Variants in AK6 observed in about 807,000 individuals in gnomAD.
The protein encoded by AK6 is adenylate kinase 6.
In AK6, 24 loss-of-function variants were observed where a neutral mutation model predicts 23.7. The ratio of observed to expected loss-of-function variants is 1.01; its 90% CI spans 0.73 to 1.43. AK6 has a LOEUF of 1.43. Among genes scored for constraint, AK6 ranks in the 40% most tolerant of loss-of-function variants. AK6 has a pLI of 0.00. For synonymous variants in AK6, 73 were observed against 69.8 expected, an observed-to-expected ratio of 1.05 and a Z score of -0.23; for missense variants, 191 against 199.1, an observed-to-expected ratio of 0.96 and a Z score of 0.24.
chr5:69,365,561 G>C, intron 2 of AK6: 1 of 1,613,964 alleles, frequency 6.2e-7, no homozygotes, highest in Non-Finnish European at 8.5e-7. Flanking sequence ...TCTTAGCATG[G>C]CTTGAATAAA....
intron 4 of AK6, among the ~76,000 whole-genome samples, chr5:69,352,699 G>T (rs188774653): frequency 3.3e-5 from 5 of 152,208 alleles, no homozygotes; most frequent in Non-Finnish European, 5.9e-5. Flanking sequence ...ATTACAATGA[G>T]ATATTACTTC....
At position 69,352,032 on chromosome 5, in the gene AK6, A is replaced by C. The variant is rs747847483; in HGVS notation, c.*29T>G. The C allele has an allele frequency of 8.3e-6, 13 of 1,560,538 alleles. No homozygotes were observed. The highest frequency in any genetic ancestry group is 7.8e-6 in the Non-Finnish European group (9 of 1,151,158). On this transcript the variant is annotated 3_prime_UTR_variant, in exon 5 of 5. Transcript: ENST00000380822. ...TGATGTCGGCAGAGATATCAACAAG[A>C]GTGATTATTAAGTAGCTAGCCTTAT...
intron 4 of AK6, among the ~76,000 whole-genome samples, chr5:69,354,344 C>T (rs1045631403): frequency 6.6e-6 from 1 of 151,976 alleles, no homozygotes; most frequent in East Asian, 1.9e-4. Context: ...TAGGTTTAGC[C>T]CCAATTTAAC....
intron 2 of AK6, chr5:69,365,155 G>A (rs1762364529): frequency 1.2e-6 from 2 of 1,614,114 alleles, no homozygotes; most frequent in Non-Finnish European, 1.7e-6. Flanking sequence ...GCTGGAGACT[G>A]AGAAGTAGGC....
intron 2 of AK6, among the ~76,000 whole-genome samples, chr5:69,364,079 T>C (rs923894373): frequency 3.3e-5 from 5 of 151,978 alleles, no homozygotes; most frequent in African/African-American, 4.8e-5. Context: ...CAAAATGAAA[T>C]TCTGTCTCAG....
Position 69,362,785 on chromosome 5 carries a change from C to T in AK6, c.121+3718G>A, listed in dbSNP as rs539841811. Among the ~76,000 whole-genome samples, 5 of 152,188 alleles carry T rather than the reference C, an allele frequency of 3.3e-5. No homozygotes were observed. The South Asian group carries it at 1.0e-3, about 32-fold the overall frequency. On this transcript the variant is annotated intron_variant, in intron 2 of 4. Transcript: ENST00000380822. ...AAAAAACCCCACAAAGTACCTCCAT[C>T]AAACTCCATGTCAAGTCAGACCAGA...
intron 2 of AK6, 146 bp downstream of exon 2, chr5:69,366,357 T>G: frequency 3.1e-6 from 2 of 637,476 alleles, no homozygotes; most frequent in Non-Finnish European, 5.4e-6. Flanking sequence ...AGACACTTAA[T>G]ATTTCTGTGG....
At chr5:69,369,333 A>T in intron 1 of AK6, 130 bp downstream of exon 1, 2 of 930,316 alleles carry the variant, frequency 2.1e-6, no homozygotes, top group Non-Finnish European at 2.9e-6. Context: ...GGGCGCTGAC[A>T]ACCGCCTCGT....
intron 4 of AK6, 70 bp from the exon 5 acceptor site, chr5:69,352,323 C>G: frequency 8.0e-7 from 1 of 1,249,948 alleles, no homozygotes; most frequent in Non-Finnish European, 1.1e-6. Context: ...CAGAAACATA[C>G]CAGAAACTGG....
At chr5:69,369,629 G>C, upstream of AK6, 2 of 1,568,568 alleles carry the variant, frequency 1.3e-6, no homozygotes, top group Non-Finnish European at 1.7e-6. Context: ...AGCCTGCCCC[G>C]GCGGCCCAGC....
At chr5:69,361,263 A>G (rs1762227085) in intron 2 of AK6, among the ~76,000 whole-genome samples, 1 of 151,868 alleles carries the variant, frequency 6.6e-6, no homozygotes, top group Admixed American at 6.6e-5. Flanking sequence ...CTGGGACCAC[A>G]GGCATCTGCC....
At chr5:69,365,440 T>A in intron 2 of AK6, 1 of 1,614,252 alleles carries the variant, frequency 6.2e-7, no homozygotes, top group Non-Finnish European at 8.5e-7. Flanking sequence ...GGGGTTTGAT[T>A]TCTTTGCCTT....
At chr5:69,365,541 A>T (rs1364489036) in intron 2 of AK6, 11 of 1,613,904 alleles carry the variant, frequency 6.8e-6, no homozygotes, top group Non-Finnish European at 7.6e-6. Context: ...ATCTGCATCA[A>T]CAGTAGCTTT....
At chr5:69,369,437 A>C (rs1463630135) in intron 1 of AK6, 26 bp downstream of exon 1, 1 of 1,608,288 alleles carries the variant, frequency 6.2e-7, no homozygotes, top group African/African-American at 1.3e-5. Flanking sequence ...GCCCCAGCCC[A>C]GTCCCTCCCG....
intron 2 of AK6, among the ~76,000 whole-genome samples, chr5:69,360,087 CTG>C (rs1762189746): frequency 6.6e-6 from 1 of 152,178 alleles, no homozygotes; most frequent in African/African-American, 2.4e-5. Context: ...TGCAGGTAAA[CTG>C]TGGCCATTTT....
chr5:69,366,537 C>G lies in AK6; in HGVS notation c.87G>C (p.Leu29=). The change falls in exon 2 of 5, where the codon CTG becomes CTC. Residue 29 remains leucine, a synonymous_variant. Coordinates refer to ENST00000380822, the MANE Select transcript of AK6 (RefSeq NM_016283.5). ...CTAAATCACCCACATTAATGTATTT[C>G]AGTCCTGATTTTGACGCAAGTTCTT... The part of the protein sequence containing the change: ...LGKELASKSG[L]KYINVGDLAR... 6.2e-7 allele frequency: 1 copy of G among 1,614,000 alleles called. No homozygotes were observed. Among genetic ancestry groups the G allele is most frequent in the Non-Finnish European group, 8.5e-7 (1 of 1,180,010 alleles).
chr5:69,363,788 GAA>G (rs1380399703), intron 2 of AK6, among the ~76,000 whole-genome samples: 1 of 126,912 alleles, frequency 7.9e-6, no homozygotes, highest in Non-Finnish European at 1.7e-5. Flanking sequence ...CGTCTCAAAA[GAA>G]AAAAAAAAAA....
intron 2 of AK6, chr5:69,365,624 C>T (rs1198675915): frequency 1.9e-6 from 3 of 1,613,990 alleles, no homozygotes; most frequent in Admixed American, 3.3e-5. Flanking sequence ...ACTCCAACAT[C>T]TGATTTATAA....
chr5:69,356,427 T>C (rs1762086261), intron 2 of AK6, among the ~76,000 whole-genome samples: 1 of 150,426 alleles, frequency 6.6e-6, no homozygotes, highest in African/African-American at 2.5e-5. Context: ...GGTAGGAGGA[T>C]CTCTTGAGCC....
Sources: gnomAD v4.1 joint callset for allele counts (sites outside exome capture counted in the v4.1 genomes callset) on GRCh38, gnomAD v4.1.1 for gene constraint, MANE v1.5 for transcripts, NCBI Gene and HGNC (gene_info 2026-07-23, HGNC 2026-07-21) for gene names.